CDH23: variants seen among roughly 807,000 people sequenced by gnomAD.
The protein encoded by CDH23 is cadherin-23.
Under a neutral mutation model 317.1 loss-of-function variants are expected in CDH23, and 189 were observed. The ratio of observed to expected loss-of-function variants is 0.60; its 90% CI spans 0.53 to 0.67. CDH23 has a LOEUF of 0.67. CDH23 is among the 30% of genes least tolerant of loss of function. The pLI is 0.00. For synonymous variants in CDH23, 1,839 were observed against 1,876.8 expected, an observed-to-expected ratio of 0.98 and a Z score of 0.52; for missense variants, 4,401 against 4,592.4, an observed-to-expected ratio of 0.96 and a Z score of 1.20.
intron 11 of CDH23, among the ~76,000 whole-genome samples, chr10:71,636,477 C>T (rs1347415349): frequency 6.6e-6 from 1 of 152,152 alleles, no homozygotes; most frequent in Admixed American, 6.5e-5. Flanking sequence ...CAACTGCACT[C>T]CAGCCTGGGT....
chr10:71,790,815 G>A (rs1223690656), intron 46 of CDH23: 1 of 483,266 alleles, frequency 2.1e-6, no homozygotes. Flanking sequence ...TTGGTGACAG[G>A]TGCCGACAGG....
At chr10:71,804,325 C>T (rs1415752094) in intron 55 of CDH23, among the ~76,000 whole-genome samples, 1 of 152,174 alleles carries the variant, frequency 6.6e-6, no homozygotes, top group Non-Finnish European at 1.5e-5. Context: ...TGGAATCTCT[C>T]CAGGTCTTCC....
intron 11 of CDH23, among the ~76,000 whole-genome samples, chr10:71,624,364 G>A (rs139678975): frequency 2.6e-4 from 39 of 152,364 alleles, no homozygotes; most frequent in African/African-American, 8.9e-4. Context: ...CAGCCAGACA[G>A]CCTGGGTCTG....
intron 3 of CDH23, among the ~76,000 whole-genome samples, chr10:71,481,328 TGGGCCTTCCCTGGAACA>T (rs1157591176): frequency 1.3e-5 from 2 of 152,294 alleles, no homozygotes. Flanking sequence ...AGGCATTAAC[TGGGCCTTCCCTGGAACA>T]GGCAGTCTGC....
intron 41 of CDH23, among the ~76,000 whole-genome samples, chr10:71,783,522 C>T (rs892694990): frequency 5.9e-5 from 9 of 152,238 alleles, no homozygotes; most frequent in South Asian, 2.1e-4. Context: ...AGGGACTGGA[C>T]GGTCTCTGGG....
intron 1 of CDH23, among the ~76,000 whole-genome samples, chr10:71,402,644 T>C (rs1342764914): frequency 6.6e-6 from 1 of 152,128 alleles, no homozygotes; most frequent in Non-Finnish European, 1.5e-5. Flanking sequence ...AGTAAAGAGG[T>C]GAAAACTCTT....
At chr10:71,745,978 G>T (rs925786090) in intron 38 of CDH23, among the ~76,000 whole-genome samples, 13 of 152,240 alleles carry the variant, frequency 8.5e-5, no homozygotes, top group African/African-American at 2.9e-4. Flanking sequence ...ACTGGCTCAG[G>T]ACCAACCTTG....
rs763947401 is a variant in CDH23, at chr10:71,803,049, C to T, written c.7634C>T (p.Thr2545Ile). 1.8e-5 allele frequency: 29 copies of T among 1,612,754 alleles called. No individual in the cohort carries two copies. Among genetic ancestry groups the T allele is most frequent in the Non-Finnish European group, 2.4e-5 (28 of 1,178,962 alleles). Residue 2545 changes from threonine to isoleucine, a missense_variant, in exon 54 of 70, where the codon ACC becomes ATC. This residue lies in a region of CDH23 where 1,144 missense variants were observed against 1,138.2 expected (regional missense o/e 1.01). Coordinates refer to ENST00000224721, the MANE Select transcript of CDH23 (RefSeq NM_022124.6). ...DQDEGPNGEL[T>I]YSLEGPGVEA... is the part of the protein sequence containing the mutation. ...GATGAAGGTCCCAATGGAGAGTTGACCTACTCACTTGAGGGCCCTGGCGTG... is the reference window on the plus strand; with the variant it reads ...GATGAAGGTCCCAATGGAGAGTTGATCTACTCACTTGAGGGCCCTGGCGTG...
intron 6 of CDH23, among the ~76,000 whole-genome samples, chr10:71,527,211 G>A (rs1209235727): frequency 1.6e-4 from 25 of 152,206 alleles, no homozygotes; most frequent in Admixed American, 1.4e-3. Context: ...ACAGCCTCCC[G>A]CCCCTGCACA....
At chr10:71,582,299 T>C (rs1274777850) in intron 9 of CDH23, among the ~76,000 whole-genome samples, 2 of 152,234 alleles carry the variant, frequency 1.3e-5, no homozygotes, top group East Asian at 3.8e-4. Context: ...GCGGCTAGTC[T>C]GAATTGAGAT....
chr10:71,751,167 C>T lies in CDH23; in HGVS notation c.4845+9246C>T. On this transcript the variant is annotated intron_variant, in intron 38 of 69. Transcript: ENST00000224721. The surrounding 1 kb of genome is among the most constrained non-coding windows in gnomAD (Gnocchi z 4.9). ...AGGAGGGAGGGAACCAGGGCCGAGGCCAAGGAGGCCACTCACAGAGCCAGC... is the reference window on the plus strand; with the variant it reads ...AGGAGGGAGGGAACCAGGGCCGAGGTCAAGGAGGCCACTCACAGAGCCAGC... The T allele has an allele frequency of 6.7e-7, 1 of 1,482,012 alleles. No individual in the cohort carries two copies. The highest frequency in any genetic ancestry group is 9.2e-7 in the Non-Finnish European group (1 of 1,089,642). The allele number at this position is 1,482,012 out of a possible 1,614,324, so 91.8% of individuals were successfully genotyped here.
rs943776879 is a variant in CDH23, at chr10:71,704,976, G to A, written c.2799G>A (p.Met933Ile). The change falls in exon 25 of 70, where the codon ATG becomes ATA. Residue 933 changes from methionine to isoleucine, a missense_variant. By Grantham distance (10) the Met-to-Ile change is conservative (BLOSUM62 1). Coordinates refer to ENST00000224721, the MANE Select transcript of CDH23 (RefSeq NM_022124.6). ...GLVSYRMPVG[M>I]PRMDFLINSS... ...TGTCCTACCGCATGCCGGTGGGCAT[G>A]CCCCGCATGGACTTCCTCATCAACA... is the stretch of plus-strand genomic sequence containing the variant. 1.9e-6 allele frequency: 3 copies of A among 1,612,856 alleles called. No individual in the cohort carries two copies. The highest frequency in any genetic ancestry group is 1.3e-5 in the African/African-American group (1 of 75,028).
intron 3 of CDH23, among the ~76,000 whole-genome samples, chr10:71,488,131 G>A (rs972598337): frequency 9.9e-5 from 15 of 152,270 alleles, no homozygotes; most frequent in African/African-American, 3.6e-4. Flanking sequence ...GCCTGCAGGA[G>A]AGTGGGAGAT....
chr10:71,701,907 AG>A, intron 22 of CDH23, 114 bp from the exon 23 acceptor site: 2 of 1,117,398 alleles, frequency 1.8e-6, no homozygotes, highest in Non-Finnish European at 2.6e-6. Flanking sequence ...TTCCTGGGCC[AG>A]AGCCAGGATG....
rs1212122163 is a variant in CDH23, at chr10:71,707,895, G to A, written c.3106+846G>A. Among the ~76,000 whole-genome samples the A allele has an allele frequency of 3.9e-5, 6 of 152,266 alleles. No individual in the cohort carries two copies. In the East Asian group the frequency reaches 7.7e-4, roughly 20 times the overall value. On this transcript the variant is annotated intron_variant, in intron 26 of 69. Coordinates refer to ENST00000224721, the MANE Select transcript of CDH23 (RefSeq NM_022124.6). ...CCTCCCCATGAAGCAAGGATGCCCA[G>A]CTCACAGCCCATCTGTGGCTTTGCT...
chr10:71,463,716 C>T (rs1851119874), intron 3 of CDH23, among the ~76,000 whole-genome samples: 1 of 152,186 alleles, frequency 6.6e-6, no homozygotes, highest in African/African-American at 2.4e-5. Context: ...AGAGCCAGGA[C>T]CCAGAGATCA....
chr10:71,684,607 A>T (rs1864799114), intron 18 of CDH23, among the ~76,000 whole-genome samples: 1 of 152,174 alleles, frequency 6.6e-6, no homozygotes, highest in African/African-American at 2.4e-5. Flanking sequence ...CTGCCTCATG[A>T]TATTTTTGTG....
At chr10:71,711,335 C>T (rs1865961803) in intron 27 of CDH23, among the ~76,000 whole-genome samples, 1 of 152,272 alleles carries the variant, frequency 6.6e-6, no homozygotes, top group South Asian at 2.1e-4. Context: ...GTGAGAAGAC[C>T]TACCTCCAGT....
In CDH23 at chr10:71,811,440, C is replaced by G. The variant is rs2133001701; in HGVS notation, c.9198+5C>G. Reference sequence around the variant, plus strand: ...GATGACATGTCTGCCCTGCAGGTACCCGGCGACCGTGCCCCACAGCCCTAG... The same window carrying G: ...GATGACATGTCTGCCCTGCAGGTACGCGGCGACCGTGCCCCACAGCCCTAG... On this transcript the variant is annotated splice_donor_5th_base_variant and intron_variant, in intron 63 of 69. Transcript: ENST00000224721. 1 of 1,614,006 alleles carries G rather than the reference C, an allele frequency of 6.2e-7. No homozygotes were observed. The highest frequency in any genetic ancestry group is 1.1e-5 in the South Asian group (1 of 91,082).
Sources: gnomAD v4.1 joint callset for allele counts (sites outside exome capture counted in the v4.1 genomes callset) on GRCh38, gnomAD v4.1.1 for gene constraint, gnomAD v4.1.1 regional missense constraint, Gnocchi (gnomAD v3.1) non-coding constraint, MANE v1.5 for transcripts, NCBI Gene and HGNC (gene_info 2026-07-23, HGNC 2026-07-21) for gene names.